Variants in HR observed in about 807,000 individuals in gnomAD.
The protein encoded by HR is lysine-specific demethylase hairless.
A neutral mutation model predicts 128.6 loss-of-function variants in HR; 83 were observed. That is an observed-to-expected ratio of 0.65 (90% confidence interval 0.54 to 0.77). The LOEUF (loss-of-function observed/expected upper bound fraction) is 0.77, where lower values mean the gene tolerates loss of function less well. Ranked by LOEUF, HR falls within the 30% of genes least tolerant of loss-of-function variation. The pLI, the probability that HR is intolerant of heterozygous loss-of-function variation, is 0.00. For missense variants in HR, 1,490 were observed against 1,574.6 expected (o/e 0.95, Z 0.91); for synonymous variants, 681 against 658.2 (o/e 1.03, Z -0.53).
rs1007253200 is a variant in HR, at chr8:22,125,207, G to A, written c.1750+104C>T. ...CCACCCAGGCCAGGGGCTCTTCTGA[G>A]GTTGCCTTAGGTCTAGGAGCTGGCA... is the stretch of plus-strand genomic sequence containing the variant. On this transcript the variant is annotated intron_variant, in intron 5 of 18. Coordinates refer to ENST00000381418, the MANE Select transcript of HR (RefSeq NM_005144.5). 6 of 1,183,950 alleles carry A rather than the reference G, an allele frequency of 5.1e-6. No individual in the cohort carries two copies. The African/African-American group carries it at 9.1e-5, about 18-fold the overall frequency. 73.3% of individuals were successfully genotyped at this position (1,183,950 alleles called of 1,614,324 possible). A position where few individuals can be genotyped will look rare whatever the true frequency, so the allele number is the denominator to read the frequency against.
intron 16 of HR, 79 bp downstream of exon 16, chr8:22,118,871 G>T: frequency 8.1e-7 from 1 of 1,234,636 alleles, no homozygotes; most frequent in Non-Finnish European, 1.2e-6. Flanking sequence ...GAGCACATGG[G>T]ACCGCACACT....
At chr8:22,130,102 G>T (rs1411163082) in intron 1 of HR, among the ~76,000 whole-genome samples, 1 of 152,246 alleles carries the variant, frequency 6.6e-6, no homozygotes, top group African/African-American at 2.4e-5. Flanking sequence ...CCAGAGAGAG[G>T]CAAGGGAGGG....
intron 6 of HR, 32 bp downstream of exon 6, chr8:22,123,617 T>TGGGGGGGGCCCC: frequency 7.2e-5 from 21 of 292,080 alleles, no homozygotes; most frequent in Non-Finnish European, 9.4e-5. Context: ...GAGGGCTCCA[T>TGGGGGGGGCCCC]CCCGCCCTCC....
intron 7 of HR, 78 bp from the exon 8 acceptor site, chr8:22,122,686 G>A: frequency 6.7e-7 from 1 of 1,495,984 alleles, no homozygotes; most frequent in Non-Finnish European, 9.1e-7. Context: ...GCTTGGCCTT[G>A]CCAAGCAGAA....
intron 16 of HR, chr8:22,117,422 A>C (rs749416726): frequency 4.7e-6 from 1 of 214,838 alleles, no homozygotes; most frequent in Admixed American, 5.2e-5. Flanking sequence ...ACTGTCTACC[A>C]GGACTTCTTC....
Position 22,130,848 on chromosome 8 carries a change from G to C in HR, c.-461C>G, listed in dbSNP as rs1827034647. On this transcript the variant is annotated 5_prime_UTR_variant, in exon 1 of 19. Coordinates refer to ENST00000381418, the MANE Select transcript of HR (RefSeq NM_005144.5). ...AGATGGCCGAGTTGGGGGAAAGGCC[G>C]AGGGGCCGGGGAAGGGGGTCGTGCC... 1 of 152,324 alleles carries C rather than the reference G, an allele frequency of 6.6e-6. No individual in the cohort carries two copies. Among genetic ancestry groups the C allele is most frequent in the Non-Finnish European group, 1.5e-5 (1 of 68,148 alleles). 9.4% of individuals were successfully genotyped at this position (152,324 alleles called of 1,614,324 possible).
intron 1 of HR, among the ~76,000 whole-genome samples, chr8:22,130,092 C>G (rs1483769194): frequency 3.3e-5 from 5 of 152,126 alleles, no homozygotes. Flanking sequence ...GGGCTGGGCC[C>G]CAGAGAGAGG....
At chr8:22,118,916 G>T in intron 16 of HR, 34 bp downstream of exon 16, 2 of 1,568,164 alleles carry the variant, frequency 1.3e-6, no homozygotes, top group Non-Finnish European at 1.8e-6. Flanking sequence ...GGGCTGGGCG[G>T]GGGGAAGGGG....
intron 16 of HR, chr8:22,117,601 C>T (rs1033416782): frequency 6.5e-6 from 1 of 152,988 alleles, no homozygotes; most frequent in African/African-American, 2.4e-5. Context: ...GGTGAACAGG[C>T]TTTCCGGCCA....
At chr8:22,123,872 C>T (rs764001813) in intron 5 of HR, 59 bp from the exon 6 acceptor site, 3 of 1,542,102 alleles carry the variant, frequency 1.9e-6, no homozygotes, top group Non-Finnish European at 2.6e-6. Flanking sequence ...CAATGGAAGG[C>T]TTCACGTGGG....
chr8:22,116,278 T>A lies in HR; in HGVS notation c.3507+22A>T. 1 of 1,611,564 alleles carries A rather than the reference T, an allele frequency of 6.2e-7. No individual in the cohort carries two copies. ...GGAGGCTTGGGTAGCACACCCAGCCTGCTGGCCCACATCCCACTCACCTGG... is the reference window on the plus strand; with the variant it reads ...GGAGGCTTGGGTAGCACACCCAGCCAGCTGGCCCACATCCCACTCACCTGG... On this transcript the variant is annotated intron_variant, in intron 18 of 18. Coordinates refer to ENST00000381418, the MANE Select transcript of HR (RefSeq NM_005144.5). This position sits in a 1 kb window ranked among gnomAD's most constrained non-coding sequence, Gnocchi z 4.2.
In HR at chr8:22,127,241, C is replaced by A; in HGVS notation, c.1201G>T (p.Glu401Ter). ...FECPRGCPEV[E>*]ERPVARLRAL... ...CGGAGCCGAGCAACCGGCCTCTCCT[C>A]GACCTCAGGGCAGCCGCGTGGACAT... is the stretch of plus-strand genomic sequence containing the variant. Residue 401 changes from glutamate to a stop codon, truncating the protein, a stop_gained, in exon 3 of 19, where the codon GAG becomes TAG. Coordinates refer to ENST00000381418, the MANE Select transcript of HR (RefSeq NM_005144.5). LOFTEE classifies it high-confidence loss of function. The A allele has an allele frequency of 1.9e-6, 3 of 1,613,108 alleles. No homozygotes were observed. The highest frequency in any genetic ancestry group is 2.5e-6 in the Non-Finnish European group (3 of 1,180,008).
intron 3 of HR, 123 bp downstream of exon 3, chr8:22,126,914 A>T: frequency 2.1e-6 from 2 of 945,162 alleles, no homozygotes; most frequent in Non-Finnish European, 3.1e-6. Context: ...CTCGTGATCC[A>T]GGTGGGAGCC....
rs781006612 is a variant in HR, at chr8:22,128,998, T to A, written c.173A>T (p.Asp58Val). Residue 58 changes from aspartate (D) to valine (V), a missense_variant, in exon 2 of 19, where the codon GAC becomes GTC. By Grantham distance (152) the Asp-to-Val change is radical (BLOSUM62 -3). Around this residue, in one of 3 missense-constraint regions of HR, gnomAD observed 1,060 missense variants for 1,060.9 expected, o/e 1.00. Transcript: ENST00000381418. ...PFWRGVLSTP[D>V]SWLPPGFPQG... ...GGGGAAGCCAGGGGGAAGCCAGGAG[T>A]CTGGGGTGCTCAGGACGCCCCTCCA... 8.7e-6 allele frequency: 14 copies of A among 1,612,522 alleles called. No individual in the cohort carries two copies. The highest frequency in any genetic ancestry group is 1.1e-5 in the South Asian group (1 of 91,054).
intron 7 of HR, 53 bp downstream of exon 7, chr8:22,122,737 G>T: frequency 6.6e-7 from 1 of 1,514,208 alleles, no homozygotes. Context: ...ACGGGAAGCT[G>T]GTCTCCCTCA....
At chr8:22,127,874 CCA>C in intron 2 of HR, 45 bp from the exon 3 acceptor site, 1 of 1,571,446 alleles carries the variant, frequency 6.4e-7, no homozygotes, top group Non-Finnish European at 8.7e-7. Context: ...CTTGGGCTCC[CCA>C]TGCCTAAATG....
chr8:22,128,329 T>G, intron 2 of HR: 1 of 621,400 alleles, frequency 1.6e-6, no homozygotes, highest in South Asian at 1.9e-5. Context: ...AGACAATGGG[T>G]GAGTCAGTGG....
At position 22,121,165 on chromosome 8, in the gene HR, G is replaced by A; in HGVS notation, c.2267C>T (p.Pro756Leu). ...AGAAGCCAGCAGTTCGCAGAGAGAA[G>A]GACAAGGCAGGGGCCCTCGGCCAGC... ...DRAGRGPLPC[P>L]SLCELLASTA... Residue 756 changes from proline to leucine, a missense_variant, in exon 10 of 19, where the codon CCT becomes CTT. Physicochemically the swap from Pro to Leu is moderately conservative, Grantham distance 98. Coordinates refer to ENST00000381418, the MANE Select transcript of HR (RefSeq NM_005144.5). 1 of 1,613,988 alleles carries A rather than the reference G, an allele frequency of 6.2e-7. No homozygotes were observed. The highest frequency in any genetic ancestry group is 8.5e-7 in the Non-Finnish European group (1 of 1,180,036).
At chr8:22,125,287 G>C in intron 5 of HR, 24 bp downstream of exon 5, 10 of 1,552,720 alleles carry the variant, frequency 6.4e-6, no homozygotes, top group Non-Finnish European at 7.8e-6. Context: ...GAGACCCCAC[G>C]CAGACCCAGG....
Sources: gnomAD v4.1 joint callset for allele counts (sites outside exome capture counted in the v4.1 genomes callset) on GRCh38, gnomAD v4.1.1 for gene constraint, gnomAD v4.1.1 regional missense constraint, Gnocchi (gnomAD v3.1) non-coding constraint, MANE v1.5 for transcripts, NCBI Gene and HGNC (gene_info 2026-07-23, HGNC 2026-07-21) for gene names.